The following LOXL2 variants were observed in gnomAD, a reference collection of about 807,000 sequenced individuals.
The protein encoded by LOXL2 is lysyl oxidase homolog 2.
Under a neutral mutation model 93.0 loss-of-function variants are expected in LOXL2, and 70 were observed. That is an observed-to-expected ratio of 0.75 (90% CI 0.62 to 0.92). The LOEUF (loss-of-function observed/expected upper bound fraction) is 0.92, where lower values mean the gene tolerates loss of function less well. Among genes scored for constraint, LOXL2 ranks in the 40% least tolerant of loss-of-function variants. The probability of loss-of-function intolerance (pLI) is 0.00; values close to 1 mark genes in which losing one functional copy is unlikely to be tolerated. For synonymous variants in LOXL2, 438 were observed against 413.2 expected (o/e 1.06, Z -0.73); for missense variants, 973 against 1,054.9 (o/e 0.92, Z 1.08).
At chr8:23,402,233 ACAC>A (rs1800161399) in intron 1 of LOXL2, among the ~76,000 whole-genome samples, 1 of 97,740 alleles carries the variant, frequency 1.0e-5, no homozygotes, top group African/African-American at 4.3e-5. Flanking sequence ...ACACCGGTGC[ACAC>A]ACATACACAA....
chr8:23,314,556 C>G (rs1274624599), intron 9 of LOXL2, among the ~76,000 whole-genome samples: 4 of 142,438 alleles, frequency 2.8e-5, no homozygotes, highest in Admixed American at 7.4e-5. Context: ...AAAAACCAAA[C>G]ACCGCATATT....
chr8:23,331,238 T>C (rs549612766), intron 5 of LOXL2, among the ~76,000 whole-genome samples: 2 of 152,202 alleles, frequency 1.3e-5, no homozygotes, highest in South Asian at 2.1e-4. Context: ...CAAAAGGGCA[T>C]GGCTGGGGGA....
intron 3 of LOXL2, among the ~76,000 whole-genome samples, chr8:23,346,146 T>TAAAAAAAAAAAA (rs1364307667): frequency 5.1e-5 from 4 of 78,030 alleles, no homozygotes; most frequent in African/African-American, 1.1e-4. Flanking sequence ...ATAAAATAAA[T>TAAAAAAAAAAAA]AAAATAAAAT....
chr8:23,300,525 C>T (rs1045033635), intron 12 of LOXL2, among the ~76,000 whole-genome samples: 48 of 152,282 alleles, frequency 3.2e-4, no homozygotes, highest in African/African-American at 1.1e-3. Context: ...TCTTGTGTCC[C>T]GTGAGTCCCC....
intron 9 of LOXL2, among the ~76,000 whole-genome samples, chr8:23,312,131 A>G (rs1313541198): frequency 6.6e-6 from 1 of 152,230 alleles, no homozygotes; most frequent in African/African-American, 2.4e-5. Flanking sequence ...GACCAATAAC[A>G]GGATCTGAAA....
At chr8:23,355,667 T>C (rs967075583) in intron 3 of LOXL2, among the ~76,000 whole-genome samples, 2 of 150,844 alleles carry the variant, frequency 1.3e-5, no homozygotes, top group African/African-American at 4.9e-5. Context: ...TGGAATGCAG[T>C]GGCACCATCA....
At chr8:23,392,400 A>G (rs1167720825) in intron 1 of LOXL2, among the ~76,000 whole-genome samples, 1 of 152,216 alleles carries the variant, frequency 6.6e-6, no homozygotes, top group Admixed American at 6.5e-5. Context: ...CCATTCATCA[A>G]GGTAATGTCA....
chr8:23,385,952 G>T (rs763231630), intron 1 of LOXL2: 7 of 765,280 alleles, frequency 9.1e-6, no homozygotes, highest in South Asian at 8.0e-5. Flanking sequence ...CACATTGCAA[G>T]TGTTTGGTGG....
intron 2 of LOXL2, 27 bp from the exon 3 acceptor site, chr8:23,360,292 C>T: frequency 6.4e-7 from 1 of 1,559,866 alleles, no homozygotes; most frequent in Non-Finnish European, 8.8e-7. Flanking sequence ...GGAGAGAAAC[C>T]AAGTGCTGCG....
At position 23,297,329 on chromosome 8, in the gene LOXL2, G is replaced by A. The variant is rs538218678; in HGVS notation, c.*714C>T. The A allele has an allele frequency of 6.6e-6, 1 of 152,230 alleles. No individual in the cohort carries two copies. Among genetic ancestry groups the A allele is most frequent in the Non-Finnish European group, 1.5e-5 (1 of 68,064 alleles). The allele number at this position is 152,230 out of a possible 1,614,324, so 9.4% of individuals were successfully genotyped here. On this transcript the variant is annotated 3_prime_UTR_variant, in exon 14 of 14. Coordinates refer to ENST00000389131, the MANE Select transcript of LOXL2 (RefSeq NM_002318.3). ...CAGAATTGGAACAACAGGAAGATGA[G>A]TCACTTACACAGTGGGTTGGTTTTT...
rs1563197443 is a variant in LOXL2, at chr8:23,346,158, A to AAATAAAATAAATAAAAAAAT, written c.532-4956_532-4955insATTTTTTTATTTATTTTATT. On this transcript the variant is annotated intron_variant, in intron 3 of 13. Coordinates refer to ENST00000389131, the MANE Select transcript of LOXL2 (RefSeq NM_002318.3). ...AAAATAAAATAAATAAAATAAAATA[A>AAATAAAATAAATAAAAAAAT]AAAATAAAATAAAATAAATAAAATA... is the stretch of plus-strand genomic sequence containing the variant. 7.2e-5 allele frequency among the ~76,000 whole-genome samples: 10 copies of AAATAAAATAAATAAAAAAAT among 138,098 alleles called. 1 individual carries two copies. The highest frequency in any genetic ancestry group is 2.7e-4 in the African/African-American group (10 of 36,600). The allele number at this position is 138,098 out of a possible 152,430, so 90.6% of individuals were successfully genotyped here. A position where few individuals can be genotyped will look rare whatever the true frequency, so the allele number is the denominator to read the frequency against.
rs76835334 is a variant in LOXL2 at position 23,326,192 on chromosome 8, G to A, written c.1150+2190C>T. On this transcript the variant is annotated intron_variant, in intron 6 of 13. Transcript: ENST00000389131. Reference sequence around the variant, plus strand: ...GAGTTGACCCTGCCCAGCATGACAGGAGATATCAATCATCCACTGCTTCTT... The same window carrying A: ...GAGTTGACCCTGCCCAGCATGACAGAAGATATCAATCATCCACTGCTTCTT... 2.3e-3 allele frequency among the ~76,000 whole-genome samples: 347 copies of A among 152,282 alleles called. 1 individual carries two copies. The highest frequency in any genetic ancestry group is 4.9e-3 in the Admixed American group (75 of 15,300).
intron 4 of LOXL2, among the ~76,000 whole-genome samples, chr8:23,335,150 G>A (rs116729106): frequency 0.01 from 1,562 of 152,238 alleles, 23 homozygotes; most frequent in African/African-American, 0.036. Context: ...CCAAATTTAT[G>A]CCAAGTCATA....
At chr8:23,391,103 A>G (rs1178244970) in intron 1 of LOXL2, among the ~76,000 whole-genome samples, 1 of 152,136 alleles carries the variant, frequency 6.6e-6, no homozygotes, top group African/African-American at 2.4e-5. Context: ...CCATGATTCA[A>G]TTATCTCCCA....
intron 1 of LOXL2, among the ~76,000 whole-genome samples, chr8:23,383,646 G>GTTTTTT (rs1204879895): frequency 3.4e-5 from 4 of 117,654 alleles, no homozygotes; most frequent in Admixed American, 8.7e-5. Context: ...GCACTTTTAC[G>GTTTTTT]TTTTTTTTTT....
At chr8:23,337,391 C>A (rs903035215) in intron 4 of LOXL2, 1 of 152,238 alleles carries the variant, frequency 6.6e-6, no homozygotes, top group Non-Finnish European at 1.5e-5. Flanking sequence ...CATATATTTA[C>A]TTCTCACCAT....
Position 23,382,877 on chromosome 8 carries a change from G to A in LOXL2, c.-83-14443C>T, listed in dbSNP as rs184055015. The stretch of plus-strand genomic sequence containing the variant: ...CTCTGGGGTGGACCATTCTCTCTAC[G>A]TGCTGCATCTGTTGGAGGTGACTGT... On this transcript the variant is annotated intron_variant, in intron 1 of 13. Transcript: ENST00000389131. Among the ~76,000 whole-genome samples, 8 of 152,100 alleles carry A rather than the reference G, an allele frequency of 5.3e-5. No individual in the cohort carries two copies. In the East Asian group the frequency reaches 7.7e-4, roughly 15 times the overall value.
intron 6 of LOXL2, among the ~76,000 whole-genome samples, chr8:23,324,762 C>A (rs1414904716): frequency 6.6e-6 from 1 of 152,174 alleles, no homozygotes; most frequent in Non-Finnish European, 1.5e-5. Flanking sequence ...TTACGGCTTC[C>A]ATGGGTCCAG....
chr8:23,349,007 TCC>T (rs1209304526), intron 3 of LOXL2, among the ~76,000 whole-genome samples: 1 of 132,456 alleles, frequency 7.5e-6, no homozygotes, highest in African/African-American at 3.6e-5. Flanking sequence ...CCTCAACTCT[TCC>T]TCTTTTCATC....
Sources: allele counts gnomAD v4.1 joint callset (sites outside exome capture counted in the v4.1 genomes callset), GRCh38; gene constraint gnomAD v4.1.1; transcripts MANE v1.5; gene names NCBI Gene and HGNC (gene_info 2026-07-23, HGNC 2026-07-21).